Variants in ALG6 observed in about 807,000 individuals in gnomAD.
ALG6 encodes the protein dolichyl pyrophosphate Man9GlcNAc2 alpha-1,3-glucosyltransferase.
A neutral mutation model predicts 66.6 loss-of-function variants in ALG6; 46 were observed. The observed-to-expected ratio is 0.69, with a 90% CI of 0.55 to 0.88. The LOEUF (loss-of-function observed/expected upper bound fraction) is 0.88. ALG6 is among the 40% of genes least tolerant of loss of function. The pLI, the probability that ALG6 is intolerant of heterozygous loss-of-function variation, is 0.00. For synonymous variants in ALG6, 185 were observed against 203.7 expected (o/e 0.91, Z 0.78); for missense variants, 505 against 586.8 (o/e 0.86, Z 1.44).
rs556418285 is a variant in ALG6 at position 63,392,367 on chromosome 1, C to T, written c.83-4146C>T. Reference sequence around the variant, plus strand: ...TGTATTTTTAGTAGAGACGGGGTTTCACCATGTTGGTCAGGCTGGTCTTGA... The same window carrying T: ...TGTATTTTTAGTAGAGACGGGGTTTTACCATGTTGGTCAGGCTGGTCTTGA... On this transcript the variant is annotated intron_variant, in intron 2 of 14. Coordinates refer to ENST00000263440, the MANE Select transcript of ALG6 (RefSeq NM_013339.4). Among the ~76,000 whole-genome samples the T allele has an allele frequency of 3.3e-5, 5 of 152,186 alleles. No homozygotes were observed. In the South Asian group the frequency reaches 8.3e-4, roughly 25 times the overall value.
chr1:63,387,391 G>A (rs1254726744), intron 2 of ALG6, among the ~76,000 whole-genome samples: 1 of 151,876 alleles, frequency 6.6e-6, no homozygotes, highest in Non-Finnish European at 1.5e-5. Flanking sequence ...TTACCCTATT[G>A]GAGACACTCT....
In ALG6 at chr1:63,411,997, C is replaced by T; in HGVS notation, c.752C>T (p.Thr251Ile). The change falls in exon 9 of 15, where the codon ACA becomes ATA. Residue 251 changes from threonine to isoleucine, a missense_variant. Transcript: ENST00000263440. Reference protein sequence around the residue: ...SFVLCWLPFFTEREQTLQVLR... With the variant: ...SFVLCWLPFFIEREQTLQVLR... Reference sequence around the variant, plus strand: ...GTTCTCTGCTGGCTGCCATTCTTTACAGAAAGGGAACAAACCCTGCAGGTT... The same window carrying T: ...GTTCTCTGCTGGCTGCCATTCTTTATAGAAAGGGAACAAACCCTGCAGGTT... The T allele has an allele frequency of 6.2e-7, 1 of 1,614,082 alleles. No individual in the cohort carries two copies.
At position 63,400,326 on chromosome 1, in the gene ALG6, TATATATATAC is replaced by T. The variant is rs1644455906; in HGVS notation, c.168-1927_168-1918del. ...ATATATGTATATATATATACGTATA[TATATATATAC>T]GTATATATATATGTATATATATATG... On this transcript the variant is annotated intron_variant, in intron 3 of 14. Coordinates refer to ENST00000263440, the MANE Select transcript of ALG6 (RefSeq NM_013339.4). Among the ~76,000 whole-genome samples, 3 of 34,406 alleles carry T rather than the reference TATATATATAC, an allele frequency of 8.7e-5. 1 individual carries two copies. The highest frequency in any genetic ancestry group is 1.3e-4 in the Non-Finnish European group (3 of 22,584). 22.6% of individuals were successfully genotyped at this position (34,406 alleles called of 152,430 possible).
intron 2 of ALG6, among the ~76,000 whole-genome samples, chr1:63,372,981 T>A (rs1044684954): frequency 4.0e-5 from 6 of 151,680 alleles, no homozygotes; most frequent in African/African-American, 1.5e-4. Context: ...TATAGATGTA[T>A]ACACACACAC....
intron 11 of ALG6, among the ~76,000 whole-genome samples, chr1:63,416,206 C>T (rs895918763): frequency 2.6e-5 from 4 of 151,990 alleles, no homozygotes. Flanking sequence ...AAGTAGAAAA[C>T]AGTGGCAATG....
intron 1 of ALG6, among the ~76,000 whole-genome samples, chr1:63,368,535 C>A (rs1203675506): frequency 6.6e-6 from 1 of 151,788 alleles, no homozygotes; most frequent in African/African-American, 2.4e-5. Context: ...GAGTCTTGCT[C>A]TGTCGCCCAG....
chr1:63,410,093 G>T (rs1231955926), intron 7 of ALG6, among the ~76,000 whole-genome samples: 1 of 152,038 alleles, frequency 6.6e-6, no homozygotes, highest in African/African-American at 2.4e-5. Flanking sequence ...GTCTTGCAGG[G>T]TGGATTGGCT....
In ALG6 at chr1:63,412,034, C is replaced by G. The variant is rs189848560; in HGVS notation, c.789C>G (p.Leu263=). 6.2e-7 allele frequency: 1 copy of G among 1,614,146 alleles called. No individual in the cohort carries two copies. Among genetic ancestry groups the G allele is most frequent in the Admixed American group, 1.7e-5 (1 of 60,024 alleles). The change falls in exon 9 of 15, where the codon CTC becomes CTG. Residue 263 remains leucine (L), a synonymous_variant. Transcript: ENST00000263440. ...AAACCCTGCAGGTTCTAAGAAGACT[C>G]TTCCCGGTTGATCGTGGATTATTTG... ...REQTLQVLRR[L]FPVDRGLFED...
chr1:63,370,861 T>C lies in ALG6; in HGVS notation c.-117T>C, dbSNP rs1467083615. The stretch of plus-strand genomic sequence containing the variant: ...CAAACTCCTAATTGCGAAGAATCGA[T>C]AACATTTCAAGAAGTGATAACATTT... On this transcript the variant is annotated 5_prime_UTR_variant, in exon 2 of 15. Coordinates refer to ENST00000263440, the MANE Select transcript of ALG6 (RefSeq NM_013339.4). The C allele has an allele frequency of 3.9e-6, 3 of 770,920 alleles. No homozygotes were observed. In the East Asian group the frequency reaches 7.4e-5, roughly 19 times the overall value. The allele number at this position is 770,920 out of a possible 1,614,324, so 47.8% of individuals were successfully genotyped here.
intron 2 of ALG6, among the ~76,000 whole-genome samples, chr1:63,388,770 TC>T (rs1259723332): frequency 1.3e-5 from 2 of 152,328 alleles, no homozygotes; most frequent in East Asian, 3.9e-4. Flanking sequence ...GTTGATGAAA[TC>T]CCTCAGCGTT....
At position 63,382,693 on chromosome 1, in the gene ALG6, T is replaced by C. The variant is rs555285292; in HGVS notation, c.82+11634T>C. Among the ~76,000 whole-genome samples, 392 of 122,312 alleles carry C rather than the reference T, an allele frequency of 3.2e-3. 3 individuals carry two copies. Among genetic ancestry groups the C allele is most frequent in the Middle Eastern group, 6.0e-3 (1 of 168 alleles). The allele number at this position is 122,312 out of a possible 152,430, so 80.2% of individuals were successfully genotyped here. A position where few individuals can be genotyped will look rare whatever the true frequency, so the allele number is the denominator to read the frequency against. On this transcript the variant is annotated intron_variant, in intron 2 of 14. Coordinates refer to ENST00000263440, the MANE Select transcript of ALG6 (RefSeq NM_013339.4). Reference sequence around the variant, plus strand: ...TTTTTTTTTTTGTTTTTTTTTTTTTTGAGACGGAGTCTGGCTCTGTCGCCC... The same window carrying C: ...TTTTTTTTTTTGTTTTTTTTTTTTTCGAGACGGAGTCTGGCTCTGTCGCCC...
intron 2 of ALG6, among the ~76,000 whole-genome samples, chr1:63,372,849 G>A (rs763671446): frequency 6.6e-6 from 1 of 151,874 alleles, no homozygotes; most frequent in East Asian, 1.9e-4. Flanking sequence ...TAGTAGAGAC[G>A]AGGTTTCACC....
chr1:63,437,105 A>C lies in ALG6; in HGVS notation c.*85A>C. 2 of 1,190,572 alleles carry C rather than the reference A, an allele frequency of 1.7e-6. No homozygotes were observed. Among genetic ancestry groups the C allele is most frequent in the Non-Finnish European group, 2.4e-6 (2 of 828,932 alleles). 73.8% of individuals were successfully genotyped at this position (1,190,572 alleles called of 1,614,324 possible). The stretch of plus-strand genomic sequence containing the variant: ...GTTTTGTGAACTTTTTGCTATGTAT[A>C]AATGAAATTACCATTTTGAGAACCA... On this transcript the variant is annotated 3_prime_UTR_variant, in exon 15 of 15. Coordinates refer to ENST00000263440, the MANE Select transcript of ALG6 (RefSeq NM_013339.4).
At chr1:63,405,614 G>A (rs1481061251) in intron 5 of ALG6, among the ~76,000 whole-genome samples, 1 of 152,056 alleles carries the variant, frequency 6.6e-6, no homozygotes, top group African/African-American at 2.4e-5. Context: ...GTTCCAGTTT[G>A]TCAGTGTCAT....
chr1:63,407,343 T>C (rs567866902), intron 7 of ALG6, among the ~76,000 whole-genome samples: 7 of 152,264 alleles, frequency 4.6e-5, no homozygotes, highest in Non-Finnish European at 8.8e-5. Context: ...GTTGTTTGAT[T>C]GGGAACAAAA....
chr1:63,398,423 A>G (rs1453730849), intron 3 of ALG6, among the ~76,000 whole-genome samples: 2 of 152,164 alleles, frequency 1.3e-5, no homozygotes, highest in Non-Finnish European at 2.9e-5. Flanking sequence ...TAAAATTGGC[A>G]CTTCCTTGAG....
At chr1:63,408,634 T>C (rs1201661721) in intron 7 of ALG6, among the ~76,000 whole-genome samples, 3 of 152,200 alleles carry the variant, frequency 2.0e-5, no homozygotes, top group African/African-American at 7.2e-5. Context: ...AACAATGGTG[T>C]AAGAGTTCCA....
intron 11 of ALG6, among the ~76,000 whole-genome samples, chr1:63,416,841 TA>T (rs139838873): frequency 0.24 from 35,928 of 151,962 alleles, 5,376 homozygotes; most frequent in African/African-American, 0.43. Context: ...ATTTAAAAAA[TA>T]ACCTTTTAAA....
chr1:63,378,577 G>T (rs1648204528), intron 2 of ALG6, among the ~76,000 whole-genome samples: 1 of 152,090 alleles, frequency 6.6e-6, no homozygotes, highest in Non-Finnish European at 1.5e-5. Context: ...GATAGTATAG[G>T]CCATTCACTA....
Sources: gnomAD v4.1 joint callset for allele counts (sites outside exome capture counted in the v4.1 genomes callset) on GRCh38, gnomAD v4.1.1 for gene constraint, MANE v1.5 for transcripts, NCBI Gene and HGNC (gene_info 2026-07-23, HGNC 2026-07-21) for gene names.